WWP2: variants seen among roughly 807,000 people sequenced by gnomAD.
WWP2 encodes the protein WW domain containing E3 ubiquitin protein ligase 2.
Under a neutral mutation model 121.0 loss-of-function variants are expected in WWP2, and 57 were observed. The observed-to-expected ratio is 0.47, with a 90% CI of 0.38 to 0.59. The LOEUF is 0.59. Among genes scored for constraint, WWP2 ranks in the 20% least tolerant of loss-of-function variants. The pLI is 0.00. For missense variants in WWP2, 962 were observed against 1,158.9 expected (o/e 0.83, Z 2.47); for synonymous variants, 449 against 441.3 (o/e 1.02, Z -0.22).
At chr16:69,781,430 T>G (rs888087185) in intron 1 of WWP2, among the ~76,000 whole-genome samples, 2 of 152,144 alleles carry the variant, frequency 1.3e-5, no homozygotes, top group Admixed American at 6.6e-5. Flanking sequence ...ACTGCAGCCT[T>G]GACCTCCTGG....
At chr16:69,818,794 T>C (rs538866422) in intron 4 of WWP2, among the ~76,000 whole-genome samples, 3 of 152,180 alleles carry the variant, frequency 2.0e-5, no homozygotes, top group African/African-American at 7.2e-5. Flanking sequence ...AACATGGGGG[T>C]GCTCCATGGT....
intron 1 of WWP2, among the ~76,000 whole-genome samples, chr16:69,766,927 T>G (rs1010721127): frequency 6.6e-6 from 1 of 152,234 alleles, no homozygotes; most frequent in Non-Finnish European, 1.5e-5. Context: ...CTAATTTTTG[T>G]ATTTTTAGTA....
intron 1 of WWP2, among the ~76,000 whole-genome samples, chr16:69,775,514 T>C (rs190733159): frequency 1.3e-5 from 2 of 152,336 alleles, no homozygotes; most frequent in Non-Finnish European, 2.9e-5. Context: ...TTGACTCTTA[T>C]AGTTGCTATA....
intron 7 of WWP2, 50 bp downstream of exon 7, chr16:69,871,981 C>T (rs762714131): frequency 6.3e-7 from 1 of 1,580,594 alleles, no homozygotes; most frequent in Non-Finnish European, 8.6e-7. Flanking sequence ...TGGGCTCTCA[C>T]CCGTTCTAAC....
chr16:69,832,966 TG>T (rs2056818425), intron 4 of WWP2, among the ~76,000 whole-genome samples: 1 of 152,230 alleles, frequency 6.6e-6, no homozygotes, highest in South Asian at 2.1e-4. Flanking sequence ...GTGATTCTCC[TG>T]CCTAGCCTCC....
At chr16:69,840,385 C>CCT in intron 5 of WWP2, 122 bp downstream of exon 5, 1 of 1,343,138 alleles carries the variant, frequency 7.4e-7, no homozygotes, top group Non-Finnish European at 1.0e-6. Flanking sequence ...TCAGCCTGGC[C>CCT]CATAGCTAGC....
At chr16:69,867,812 C>T (rs539219172) in intron 6 of WWP2, among the ~76,000 whole-genome samples, 2 of 152,256 alleles carry the variant, frequency 1.3e-5, no homozygotes, top group Admixed American at 6.5e-5. Flanking sequence ...TTCTGCCTGC[C>T]CTGGGGGCTG....
chr16:69,929,445 CAGAGA>C lies in WWP2; in HGVS notation c.1238_1242del (p.Lys413ThrfsTer12). The stretch of plus-strand genomic sequence containing the variant: ...ATGTTCTTTCTTTCTTCTCATGTGG[CAGAGA>C]AGAGACAGGACAATGGACGGGTGTA... On this transcript the variant is annotated splice_acceptor_variant and coding_sequence_variant, in exon 12 of 24. Transcript: ENST00000359154. LOFTEE classifies it high-confidence loss of function. 1 of 1,612,822 alleles carries C rather than the reference CAGAGA, an allele frequency of 6.2e-7. No individual in the cohort carries two copies. Among genetic ancestry groups the C allele is most frequent in the South Asian group, 1.1e-5 (1 of 91,018 alleles).
At chr16:69,939,199 TC>T (rs1433784543) in intron 22 of WWP2, 76 bp downstream of exon 22, 3 of 1,559,548 alleles carry the variant, frequency 1.9e-6, no homozygotes, top group African/African-American at 2.7e-5. Context: ...CCTAGTCTCT[TC>T]CTGGAAGCAC....
At chr16:69,851,822 T>C (rs1328397715) in intron 6 of WWP2, among the ~76,000 whole-genome samples, 1 of 145,318 alleles carries the variant, frequency 6.9e-6, no homozygotes, top group Non-Finnish European at 1.5e-5. Context: ...CTAGTAAAAA[T>C]ACAAAAAAAA....
At chr16:69,818,020 A>G (rs954004908) in intron 4 of WWP2, among the ~76,000 whole-genome samples, 1 of 151,816 alleles carries the variant, frequency 6.6e-6, no homozygotes, top group Non-Finnish European at 1.5e-5. Context: ...GCCTGTGTCC[A>G]TGGCAGAGTC....
chr16:69,884,194 A>G (rs1457059673), intron 7 of WWP2, among the ~76,000 whole-genome samples: 1 of 152,226 alleles, frequency 6.6e-6, no homozygotes, highest in African/African-American at 2.4e-5. Context: ...TAGCACAATT[A>G]TACATTGTTC....
intron 1 of WWP2, among the ~76,000 whole-genome samples, chr16:69,770,678 G>A (rs1244196120): frequency 1.3e-5 from 2 of 152,134 alleles, no homozygotes; most frequent in African/African-American, 4.8e-5. Flanking sequence ...AATTGATGTC[G>A]CAAGTCAGGG....
intron 7 of WWP2, among the ~76,000 whole-genome samples, chr16:69,874,602 T>C (rs2057703250): frequency 6.6e-6 from 1 of 152,312 alleles, no homozygotes; most frequent in African/African-American, 2.4e-5. Context: ...ATAAATATTA[T>C]ATTTCTAAGT....
At chr16:69,836,636 G>T (rs989540884) in intron 4 of WWP2, among the ~76,000 whole-genome samples, 2 of 152,062 alleles carry the variant, frequency 1.3e-5, no homozygotes, top group East Asian at 3.9e-4. Context: ...TTTGAGACAG[G>T]GTCTCGCTCT....
At chr16:69,928,295 A>G (rs13336410) in intron 11 of WWP2, among the ~76,000 whole-genome samples, 208 of 152,202 alleles carry the variant, frequency 1.4e-3, no homozygotes, top group Middle Eastern at 6.8e-3. Flanking sequence ...GCAGATTTGA[A>G]GGCTCAGGAA....
chr16:69,903,731 G>A (rs1466185135), intron 8 of WWP2, among the ~76,000 whole-genome samples: 1 of 148,848 alleles, frequency 6.7e-6, no homozygotes, highest in Non-Finnish European at 1.5e-5. Context: ...TTGCGCCACT[G>A]CCCTCCAGCC....
Position 69,925,243 on chromosome 16 carries a change from T to C in WWP2, c.1180-187T>C. ...GCAGGGTTCTTTTTTGGTTTTTCTG[T>C]AAAAATCAAAACAAAAAACAGAGAC... is the stretch of plus-strand genomic sequence containing the variant. On this transcript the variant is annotated intron_variant, in intron 10 of 23. Transcript: ENST00000359154. The surrounding 1 kb of genome is among the most constrained non-coding windows in gnomAD (Gnocchi z 4.0). 2 of 1,444,246 alleles carry C rather than the reference T, an allele frequency of 1.4e-6. No individual in the cohort carries two copies. The highest frequency in any genetic ancestry group is 1.6e-5 in the South Asian group (1 of 61,326). The allele number at this position is 1,444,246 out of a possible 1,614,324, so 89.5% of individuals were successfully genotyped here. A position where few individuals can be genotyped will look rare whatever the true frequency, so the allele number is the denominator to read the frequency against.
intron 6 of WWP2, among the ~76,000 whole-genome samples, chr16:69,848,422 C>G (rs943099209): frequency 5.3e-5 from 8 of 151,582 alleles, no homozygotes; most frequent in African/African-American, 1.9e-4. Context: ...TGCACTCCAG[C>G]CTGGTCAACA....
Sources: allele counts gnomAD v4.1 joint callset (sites outside exome capture counted in the v4.1 genomes callset), GRCh38; gene constraint gnomAD v4.1.1; non-coding constraint Gnocchi (gnomAD v3.1); transcripts MANE v1.5; gene names NCBI Gene and HGNC (gene_info 2026-07-23, HGNC 2026-07-21).